POF1B: variants seen among roughly 807,000 people sequenced by gnomAD.
POF1B encodes the protein POF1B actin binding protein.
A neutral mutation model predicts 55.3 loss-of-function variants in POF1B; 53 were observed. The observed-to-expected ratio is 0.96, with a 90% CI of 0.77 to 1.20. The LOEUF is 1.20. Among genes scored for constraint, POF1B ranks in the 50% most tolerant of loss-of-function variants. POF1B has a pLI of 0.00. For missense variants in POF1B, 478 were observed against 420.5 expected (o/e 1.14, Z -1.20); for synonymous variants, 188 against 148.3 (o/e 1.27, Z -1.95).
intron 7 of POF1B, among the ~76,000 whole-genome samples, chrX:85,322,372 G>A: frequency 9.1e-6 from 1 of 110,132 alleles, no homozygotes; most frequent in African/African-American, 3.3e-5. Context: ...AAATGGTGCT[G>A]GGAAAACTGG....
chrX:85,362,232 T>C (rs1933638057), intron 3 of POF1B, among the ~76,000 whole-genome samples: 1 of 110,640 alleles, frequency 9.0e-6, no homozygotes, highest in South Asian at 3.8e-4. Context: ...TAAAGTTCTT[T>C]ATTTCTTTCT....
intron 6 of POF1B, among the ~76,000 whole-genome samples, chrX:85,339,731 A>T (rs922140291): frequency 7.2e-5 from 8 of 111,075 alleles, no homozygotes; most frequent in Non-Finnish European, 1.5e-4. Flanking sequence ...AAGAGATGAG[A>T]TTATAAGTCA....
intron 15 of POF1B, among the ~76,000 whole-genome samples, chrX:85,287,817 T>G (rs1932089679): frequency 1.8e-5 from 2 of 111,749 alleles, no homozygotes; most frequent in Non-Finnish European, 3.8e-5. Context: ...ATATCACTAG[T>G]AGAATACAGG....
At chrX:85,292,588 G>C (rs1341165458) in intron 15 of POF1B, among the ~76,000 whole-genome samples, 1 of 110,790 alleles carries the variant, frequency 9.0e-6, no homozygotes, top group African/African-American at 3.3e-5. Flanking sequence ...GTTGTTGTTT[G>C]GCAGGCTATT....
At chrX:85,318,112 C>A (rs1932803658) in intron 7 of POF1B, among the ~76,000 whole-genome samples, 1 of 111,308 alleles carries the variant, frequency 9.0e-6, no homozygotes, top group South Asian at 3.7e-4. Context: ...GGAAAAATAA[C>A]TAATGGGTAC....
intron 7 of POF1B, among the ~76,000 whole-genome samples, chrX:85,316,329 A>G (rs1368799950): frequency 1.8e-5 from 2 of 111,731 alleles, no homozygotes; most frequent in Non-Finnish European, 3.8e-5. Context: ...CTAGTGGGGT[A>G]ATAGAATTTC....
chrX:85,307,026 A>G, intron 11 of POF1B, 137 bp downstream of exon 11: 1 of 465,940 alleles, frequency 2.1e-6, no homozygotes, highest in Non-Finnish European at 3.6e-6. Flanking sequence ...ACCCAAAGCC[A>G]CTCAATTCTC....
chrX:85,300,599 G>C (rs895290701), intron 15 of POF1B, among the ~76,000 whole-genome samples: 15 of 111,775 alleles, frequency 1.3e-4, no homozygotes, highest in Admixed American at 2.9e-4. Flanking sequence ...CTAATTTCCA[G>C]AGTTACCACA....
Position 85,277,550 on chromosome X carries a change from A to G in POF1B, c.*1871T>C, listed in dbSNP as rs953468478. 9.0e-6 allele frequency: 1 copy of G among 110,818 alleles called. No homozygotes were observed. The highest frequency in any genetic ancestry group is 1.9e-5 in the Non-Finnish European group (1 of 52,586). 9.1% of individuals were successfully genotyped at this position (110,818 alleles called of 1,213,427 possible). ...TTCTAACTACATAGTTTTTGTACACATTAAGCATCCCCAGTTCCCCTCGCA... is the reference window on the plus strand; with the variant it reads ...TTCTAACTACATAGTTTTTGTACACGTTAAGCATCCCCAGTTCCCCTCGCA... On this transcript the variant is annotated 3_prime_UTR_variant, in exon 17 of 17. Coordinates refer to ENST00000262753, the MANE Select transcript of POF1B (RefSeq NM_024921.4).
At chrX:85,326,148 G>A (rs1001740191) in intron 7 of POF1B, among the ~76,000 whole-genome samples, 1 of 112,090 alleles carries the variant, frequency 8.9e-6, no homozygotes, top group Non-Finnish European at 1.9e-5. Context: ...ATCCACCCTC[G>A]TTTGCACATG....
chrX:85,313,446 G>A (rs1348278239), intron 9 of POF1B, among the ~76,000 whole-genome samples: 2 of 111,829 alleles, frequency 1.8e-5, no homozygotes, highest in Non-Finnish European at 3.8e-5. Context: ...TGTGGTTTTT[G>A]TCATTGATTC....
intron 6 of POF1B, among the ~76,000 whole-genome samples, chrX:85,335,215 G>T (rs1933048084): frequency 9.0e-6 from 1 of 111,617 alleles, no homozygotes; most frequent in Non-Finnish European, 1.9e-5. Flanking sequence ...AAAAGGTCAT[G>T]AAAATATTAA....
intron 3 of POF1B, among the ~76,000 whole-genome samples, chrX:85,362,057 G>A (rs140295248): frequency 0.044 from 4,857 of 109,559 alleles, 132 homozygotes; most frequent in Non-Finnish European, 0.072. Flanking sequence ...ATTGTTGTCC[G>A]TGTATAAGAA....
intron 3 of POF1B, among the ~76,000 whole-genome samples, chrX:85,363,749 A>T (rs1012775056): frequency 2.7e-5 from 3 of 111,395 alleles, no homozygotes; most frequent in Non-Finnish European, 5.7e-5. Context: ...AGTTCCGTAG[A>T]GGTCTATCTG....
chrX:85,323,621 TAA>T (rs201807475), intron 7 of POF1B, among the ~76,000 whole-genome samples: 3 of 108,259 alleles, frequency 2.8e-5, no homozygotes, highest in Non-Finnish European at 5.8e-5. Context: ...AATAAAAAAA[TAA>T]AAAAAAATGT....
chrX:85,332,717 G>A (rs1388920757), intron 6 of POF1B, among the ~76,000 whole-genome samples: 1 of 111,012 alleles, frequency 9.0e-6, no homozygotes, highest in Admixed American at 9.6e-5. Context: ...ACAAAAATCA[G>A]TTTATAAAAT....
intron 15 of POF1B, among the ~76,000 whole-genome samples, chrX:85,286,684 GA>G (rs1932062004): frequency 1.8e-5 from 2 of 111,468 alleles, no homozygotes; most frequent in African/African-American, 6.5e-5. Context: ...TTCAGAATAA[GA>G]AGCATTAGTG....
intron 5 of POF1B, among the ~76,000 whole-genome samples, 192 bp downstream of exon 5, chrX:85,351,158 A>G (rs1204449353): frequency 9.0e-6 from 1 of 111,181 alleles, no homozygotes; most frequent in African/African-American, 3.3e-5. Flanking sequence ...TAAAATGAGG[A>G]CAATAATACT....
At chrX:85,314,644 G>A (rs753668354) in intron 8 of POF1B, 138 bp from the exon 9 acceptor site, 7 of 335,765 alleles carry the variant, frequency 2.1e-5, no homozygotes, top group Non-Finnish European at 3.5e-5. Context: ...GTTTCTATGA[G>A]TTTAATTTAT....
Sources: gnomAD v4.1 joint callset for allele counts (sites outside exome capture counted in the v4.1 genomes callset) on GRCh38, gnomAD v4.1.1 for gene constraint, MANE v1.5 for transcripts, NCBI Gene and HGNC (gene_info 2026-07-23, HGNC 2026-07-21) for gene names.